CELF2: variants seen among roughly 807,000 people sequenced by gnomAD.
CELF2 encodes the protein CUG triplet repeat RNA-binding protein 2.
Under a neutral mutation model 62.6 loss-of-function variants are expected in CELF2, and 8 were observed. The observed-to-expected ratio is 0.13, with a 90% confidence interval of 0.07 to 0.23. CELF2 has a LOEUF of 0.23. CELF2 is among the 10% of genes least tolerant of loss of function. The pLI, the probability that CELF2 is intolerant of heterozygous loss-of-function variation, is 1.00. For synonymous variants in CELF2, 258 were observed against 250.0 expected, an observed-to-expected ratio of 1.03 and a Z score of -0.30; for missense variants, 333 against 671.0, an observed-to-expected ratio of 0.50 and a Z score of 5.56.
At position 11,223,751 on chromosome 10, in the gene CELF2, A is replaced by G. The variant is rs563723118; in HGVS notation, c.354+6244A>G. Among the ~76,000 whole-genome samples, 1 of 152,308 alleles carries G rather than the reference A, an allele frequency of 6.6e-6. No individual in the cohort carries two copies. The highest frequency in any genetic ancestry group is 1.9e-4 in the East Asian group (1 of 5,180). On this transcript the variant is annotated intron_variant, in intron 3 of 12. Transcript: ENST00000633077. The surrounding 1 kb of genome is among the most constrained non-coding windows in gnomAD (Gnocchi z 5.1). ...CCCAAGTCGGGCTCAGCCAGGTGCA[A>G]CAGGATGGCTCCCAGCTGAGCGGTA...
At chr10:10,519,966 G>A in the CELF2 span, among the ~76,000 whole-genome samples, 23 of 152,290 alleles carry the variant, frequency 1.5e-4, no homozygotes, top group East Asian at 4.2e-3. Context: ...CAGAGAGGAT[G>A]GCTGTCCTCC....
At chr10:10,808,295 A>T (rs7088716) in intron 1 of CELF2, among the ~76,000 whole-genome samples, 8 of 152,060 alleles carry the variant, frequency 5.3e-5, no homozygotes, top group Non-Finnish European at 1.0e-4. Context: ...TTGAAATACC[A>T]CATTTACCTG....
At chr10:11,288,279 C>A in intron 8 of CELF2, 139 bp from the exon 9 acceptor site, 3 of 992,966 alleles carry the variant, frequency 3.0e-6, no homozygotes, top group East Asian at 2.6e-5. Context: ...GAGAGCCCAG[C>A]TCCCACCCAG....
chr10:10,499,375 G>A, the CELF2 span, among the ~76,000 whole-genome samples: 2 of 151,502 alleles, frequency 1.3e-5, no homozygotes, highest in Non-Finnish European at 2.9e-5. Flanking sequence ...ACCAACAGAA[G>A]ACTATGTTTG....
At chr10:11,257,979 T>C in intron 5 of CELF2, 107 bp downstream of exon 5, 2 of 1,262,992 alleles carry the variant, frequency 1.6e-6, no homozygotes, top group Admixed American at 4.3e-5. Context: ...CACCCTGTAA[T>C]ACATCCCATG....
chr10:10,565,758 A>T, the CELF2 span, among the ~76,000 whole-genome samples: 1 of 152,318 alleles, frequency 6.6e-6, no homozygotes, highest in Admixed American at 6.5e-5. Context: ...TCAGCCTGAG[A>T]GCCTATTTGT....
At chr10:10,494,645 T>C in the CELF2 span, among the ~76,000 whole-genome samples, 14 of 152,354 alleles carry the variant, frequency 9.2e-5, no homozygotes, top group South Asian at 2.9e-3. Flanking sequence ...CATAATCTTC[T>C]TCAGTGAAGC....
chr10:10,911,604 C>T (rs773652064), intron 1 of CELF2, among the ~76,000 whole-genome samples: 2 of 152,186 alleles, frequency 1.3e-5, no homozygotes, highest in Non-Finnish European at 2.9e-5. Context: ...CATGGGAGAC[C>T]GGTTTCCCCA....
chr10:10,831,506 G>A (rs915678007), intron 1 of CELF2, among the ~76,000 whole-genome samples: 13 of 152,204 alleles, frequency 8.5e-5, no homozygotes, highest in Non-Finnish European at 8.8e-5. Context: ...TGGCAAGATC[G>A]ATGTTTCTGG....
chr10:10,777,103 G>A, the CELF2 span, among the ~76,000 whole-genome samples: 30 of 152,124 alleles, frequency 2.0e-4, no homozygotes, highest in Non-Finnish European at 3.7e-4. Context: ...CCATGCACCC[G>A]CTGTGGTCAG....
chr10:10,804,312 A>T (rs970387925), intron 1 of CELF2, among the ~76,000 whole-genome samples: 9 of 152,186 alleles, frequency 5.9e-5, no homozygotes, highest in Admixed American at 5.2e-4. Flanking sequence ...GACCTAATAA[A>T]ACTTTATTTA....
At chr10:11,129,114 A>G in intron 1 of CELF2, among the ~76,000 whole-genome samples, 1 of 152,192 alleles carries the variant, frequency 6.6e-6, no homozygotes, top group East Asian at 1.9e-4. Context: ...TCAAAGGCCT[A>G]TTCTGCATCT....
the CELF2 span, among the ~76,000 whole-genome samples, chr10:10,525,867 A>T: frequency 6.6e-6 from 1 of 152,174 alleles, no homozygotes; most frequent in Non-Finnish European, 1.5e-5. Context: ...GGATCATATG[A>T]TAGCTCTATT....
chr10:11,178,378 A>G lies in CELF2; in HGVS notation c.271+12696A>G, dbSNP rs531161085. 1.0e-3 allele frequency among the ~76,000 whole-genome samples: 156 copies of G among 152,326 alleles called. 1 individual carries two copies. Among genetic ancestry groups the G allele is most frequent in the Non-Finnish European group, 1.8e-3 (122 of 68,038 alleles). ...GTATTCAGCTCTAGAGGTGGCAAAC[A>G]CGGGGCCCTTCCACCAGGCCCACTC... On this transcript the variant is annotated intron_variant, in intron 2 of 12. Transcript: ENST00000633077. This position sits in a 1 kb window ranked among gnomAD's most constrained non-coding sequence, Gnocchi z 4.3.
chr10:10,804,550 T>G (rs937546384), intron 1 of CELF2, among the ~76,000 whole-genome samples: 4 of 152,192 alleles, frequency 2.6e-5, no homozygotes, highest in African/African-American at 9.7e-5. Flanking sequence ...GTCAGAGATG[T>G]TTTAGGTTAT....
upstream of CELF2, among the ~76,000 whole-genome samples, chr10:10,794,262 G>T (rs1243935579): frequency 6.6e-6 from 1 of 151,994 alleles, no homozygotes. Context: ...TGCAGCAGGA[G>T]AATGAATTTC....
intron 1 of CELF2, chr10:11,030,417 T>C (rs923070421): frequency 2.0e-5 from 3 of 152,278 alleles, no homozygotes; most frequent in Admixed American, 1.3e-4. Context: ...CCTGTGTTTC[T>C]CATTTCCAAA....
rs2277212 is a variant in CELF2, at chr10:11,257,772, A to T, written c.438A>T (p.Val146=). Residue 146 remains valine (V), a synonymous_variant, in exon 5 of 13, where the codon GTA becomes GTT. Transcript: ENST00000633077. ...ACAGAAAATTGTTCATAGGAATGGT[A>T]TCGAAGAAATGTAATGAGAACGACA... ...VEDRKLFIGM[V]SKKCNENDIR... is the part of the protein sequence containing the mutation. 0.75 allele frequency: 1,212,954 copies of T among 1,613,594 alleles called. 456,737 individuals carry two copies. The highest frequency in any genetic ancestry group is 0.85 in the East Asian group (38,294 of 44,876).
Position 11,304,209 on chromosome 10 carries a change from T to C in CELF2, c.977-9930T>C, listed in dbSNP as rs60395327. The stretch of plus-strand genomic sequence containing the variant: ...GGGTAAATCCATTTCCTTTCCCGGC[T>C]TCTGCAGGCCACCAGCTTTACTTGG... On this transcript the variant is annotated intron_variant, in intron 9 of 12. Transcript: ENST00000633077. Among the ~76,000 whole-genome samples the C allele has an allele frequency of 4.9e-3, 744 of 152,316 alleles. 10 individuals are homozygous for C. The highest frequency in any genetic ancestry group is 0.016 in the African/African-American group (658 of 41,566).
Sources: allele counts gnomAD v4.1 joint callset (sites outside exome capture counted in the v4.1 genomes callset), GRCh38; gene constraint gnomAD v4.1.1; non-coding constraint Gnocchi (gnomAD v3.1); transcripts MANE v1.5; gene names NCBI Gene and HGNC (gene_info 2026-07-23, HGNC 2026-07-21).